Variants in DLGAP1 observed in about 807,000 individuals in gnomAD.
The protein encoded by DLGAP1 is disks large-associated protein 1.
In DLGAP1, 11 loss-of-function variants were observed where a neutral mutation model predicts 90.8. The ratio of observed to expected loss-of-function variants is 0.12; its 90% CI spans 0.08 to 0.20. The LOEUF (loss-of-function observed/expected upper bound fraction) is 0.20, where lower values mean the gene tolerates loss of function less well. DLGAP1 is among the 10% of genes least tolerant of loss of function. The pLI is 1.00. For synonymous variants in DLGAP1, 558 were observed against 540.7 expected, an observed-to-expected ratio of 1.03 and a Z score of -0.44; for missense variants, 1,050 against 1,333.8, an observed-to-expected ratio of 0.79 and a Z score of 3.31.
intron 9 of DLGAP1, among the ~76,000 whole-genome samples, chr18:3,549,665 G>A (rs568184822): frequency 1.6e-4 from 25 of 151,824 alleles, no homozygotes; most frequent in Admixed American, 8.5e-4. Context: ...ATGCACTTCC[G>A]GTCTGTCCCT....
chr18:4,267,802 T>C (rs1276772698), intron 1 of DLGAP1, among the ~76,000 whole-genome samples: 1 of 152,198 alleles, frequency 6.6e-6, no homozygotes, highest in Admixed American at 6.5e-5. Flanking sequence ...GACAAGAGGC[T>C]TCACTTCCTC....
intron 4 of DLGAP1, among the ~76,000 whole-genome samples, chr18:3,837,788 G>A (rs551589215): frequency 2.2e-5 from 3 of 139,454 alleles, no homozygotes; most frequent in Admixed American, 1.5e-4. Flanking sequence ...GGAGACGGAG[G>A]TTGCAGTGAG....
chr18:3,898,080 C>T (rs1000195022), intron 3 of DLGAP1, among the ~76,000 whole-genome samples: 41 of 152,352 alleles, frequency 2.7e-4, no homozygotes, highest in African/African-American at 9.9e-4. Flanking sequence ...AGGCGTGAGC[C>T]ACTGCGCCCG....
chr18:3,834,305 C>CAAAAAAAAAAAAAA (rs35630074), intron 4 of DLGAP1, among the ~76,000 whole-genome samples: 1 of 33,166 alleles, frequency 3.0e-5, no homozygotes, highest in African/African-American at 1.2e-4. Flanking sequence ...GACTCTGTCT[C>CAAAAAAAAAAAAAA]AAAAAAAAAA....
intron 1 of DLGAP1, among the ~76,000 whole-genome samples, chr18:4,331,656 T>G (rs34768615): frequency 0.23 from 35,318 of 151,506 alleles, 4,347 homozygotes; most frequent in Middle Eastern, 0.27. Context: ...CCTAGATGAC[T>G]GGCGCCCTGC....
intron 1 of DLGAP1, among the ~76,000 whole-genome samples, chr18:4,384,917 A>G (rs1165102723): frequency 6.6e-6 from 1 of 152,158 alleles, no homozygotes; most frequent in Non-Finnish European, 1.5e-5. Context: ...CTTTGCTTTC[A>G]AAGTTTTTCC....
At chr18:3,898,146 T>C (rs1297456472) in intron 3 of DLGAP1, among the ~76,000 whole-genome samples, 1 of 152,250 alleles carries the variant, frequency 6.6e-6, no homozygotes, top group Non-Finnish European at 1.5e-5. Context: ...CTTTATTTAC[T>C]GGTTGAGCAT....
chr18:4,144,036 G>A (rs78376839), intron 2 of DLGAP1, among the ~76,000 whole-genome samples: 4,974 of 152,206 alleles, frequency 0.033, 107 homozygotes, highest in Non-Finnish European at 0.049. Flanking sequence ...GAGGGAAGAA[G>A]TCTCTCTTAG....
intron 8 of DLGAP1, among the ~76,000 whole-genome samples, chr18:3,577,053 G>T (rs2055197181): frequency 6.6e-6 from 1 of 151,674 alleles, no homozygotes; most frequent in Admixed American, 6.6e-5. Context: ...TAGAGATGGG[G>T]TTTCACCATG....
chr18:4,104,259 A>G (rs1038939810), intron 2 of DLGAP1, among the ~76,000 whole-genome samples: 1 of 152,132 alleles, frequency 6.6e-6, no homozygotes, highest in African/African-American at 2.4e-5. Flanking sequence ...TATTGTCTTG[A>G]AATATTCTAT....
chr18:3,988,082 G>A (rs768214558), intron 3 of DLGAP1, among the ~76,000 whole-genome samples: 2 of 152,020 alleles, frequency 1.3e-5, no homozygotes, highest in Non-Finnish European at 2.9e-5. Context: ...GGAGCCCTGA[G>A]TTTGTTTTCC....
At chr18:4,042,760 A>G (rs1363926944) in intron 2 of DLGAP1, among the ~76,000 whole-genome samples, 1 of 152,228 alleles carries the variant, frequency 6.6e-6, no homozygotes, top group Non-Finnish European at 1.5e-5. Context: ...AAAATAAAAT[A>G]GTAAAATAAA....
chr18:3,960,081 T>C (rs2073167421), intron 3 of DLGAP1, among the ~76,000 whole-genome samples: 1 of 152,240 alleles, frequency 6.6e-6, no homozygotes, highest in African/African-American at 2.4e-5. Flanking sequence ...AACTTTCCAC[T>C]GGATTCTTTT....
chr18:3,591,143 CAAA>C lies in DLGAP1; in HGVS notation c.1592-8898_1592-8896del, dbSNP rs1359755229. Among the ~76,000 whole-genome samples the C allele has an allele frequency of 1.3e-3, 196 of 152,108 alleles. 1 individual carries two copies. Among genetic ancestry groups the C allele is most frequent in the Non-Finnish European group, 2.1e-3 (145 of 67,996 alleles). On this transcript the variant is annotated intron_variant, in intron 7 of 12. Transcript: ENST00000315677. The stretch of plus-strand genomic sequence containing the variant: ...TGAGAAGCACTGAAAAGAACATTTG[CAAA>C]TCCAGGGAACAGGGCAGAGGTAGTA...
chr18:4,420,989 T>G (rs1227079466), intron 1 of DLGAP1, among the ~76,000 whole-genome samples: 2 of 152,178 alleles, frequency 1.3e-5, no homozygotes, highest in African/African-American at 4.8e-5. Flanking sequence ...GTTCAGAGAT[T>G]TTTCCCTTGA....
intron 7 of DLGAP1, among the ~76,000 whole-genome samples, chr18:3,700,757 C>T (rs1461611383): frequency 6.6e-6 from 1 of 151,860 alleles, no homozygotes; most frequent in African/African-American, 2.4e-5. Context: ...CTACAGGCGC[C>T]CACCACCACG....
chr18:4,027,809 A>T (rs984374811), intron 2 of DLGAP1, among the ~76,000 whole-genome samples: 2 of 152,204 alleles, frequency 1.3e-5, no homozygotes, highest in African/African-American at 4.8e-5. Flanking sequence ...ATGGTGACTC[A>T]GATAATTTGC....
intron 7 of DLGAP1, among the ~76,000 whole-genome samples, chr18:3,696,497 G>A (rs567461947): frequency 2.6e-5 from 4 of 152,236 alleles, no homozygotes; most frequent in South Asian, 2.1e-4. Flanking sequence ...GATGAATTAC[G>A]TTTACTGATT....
At chr18:3,518,657 T>C (rs1260961560) in intron 10 of DLGAP1, among the ~76,000 whole-genome samples, 1 of 152,220 alleles carries the variant, frequency 6.6e-6, no homozygotes, top group African/African-American at 2.4e-5. Context: ...GCTATTGATC[T>C]TGGGAAAGTT....
Sources: allele counts gnomAD v4.1 joint callset (sites outside exome capture counted in the v4.1 genomes callset), GRCh38; gene constraint gnomAD v4.1.1; transcripts MANE v1.5; gene names NCBI Gene and HGNC (gene_info 2026-07-23, HGNC 2026-07-21).